KIR2DL3: variants seen among roughly 807,000 people sequenced by gnomAD.
KIR2DL3 encodes the protein killer cell immunoglobulin-like receptor 2DL3.
A neutral mutation model predicts 33.8 loss-of-function variants in KIR2DL3; 39 were observed. That is an observed-to-expected ratio of 1.15 (90% CI 0.89 to 1.51). The LOEUF (loss-of-function observed/expected upper bound fraction) is 1.51, where lower values mean the gene tolerates loss of function less well. Among genes scored for constraint, KIR2DL3 ranks in the 40% most tolerant of loss-of-function variants. The probability of loss-of-function intolerance (pLI) is 0.00; values close to 1 mark genes in which losing one functional copy is unlikely to be tolerated. For missense variants in KIR2DL3, 462 were observed against 426.2 expected, an observed-to-expected ratio of 1.08 and a Z score of -0.74; for synonymous variants, 174 against 160.2, an observed-to-expected ratio of 1.09 and a Z score of -0.65.
intron 3 of KIR2DL3, among the ~76,000 whole-genome samples, chr19:54,742,813 G>A (rs62122549): frequency 0.032 from 3,865 of 121,210 alleles, no homozygotes; most frequent in South Asian, 0.085. Flanking sequence ...GTGAACTTGT[G>A]GTCTCCAGAC....
chr19:54,742,187 A>T lies in KIR2DL3; in HGVS notation c.278A>T (p.Asp93Val). ...ANFSIGPMMQ[D>V]LAGTYRCYGS... is the part of the protein sequence containing the mutation. ...TTCTCCATCGGTCCCATGATGCAAGACCTTGCAGGGACCTACAGATGCTAC... is the reference window on the plus strand; with the variant it reads ...TTCTCCATCGGTCCCATGATGCAAGTCCTTGCAGGGACCTACAGATGCTAC... Residue 93 changes from aspartate (D) to valine (V), a missense_variant, in exon 3 of 8, where the codon GAC (aspartate) becomes GTC (valine). By Grantham distance (152) the Asp-to-Val change is radical (BLOSUM62 -3). Coordinates refer to ENST00000342376, the MANE Select transcript of KIR2DL3 (RefSeq NM_015868.3). 1 of 1,614,082 alleles carries T rather than the reference A, an allele frequency of 6.2e-7. No homozygotes were observed. Among genetic ancestry groups the T allele is most frequent in the Non-Finnish European group, 8.5e-7 (1 of 1,179,996 alleles).
chr19:54,748,989 A>T (rs62124365), intron 5 of KIR2DL3, among the ~76,000 whole-genome samples: 24,957 of 149,470 alleles, frequency 0.17, 1,823 homozygotes, highest in Non-Finnish European at 0.24. Flanking sequence ...AGAAGGTCTC[A>T]CTATTCAGAT....
intron 2 of KIR2DL3, 100 bp from the exon 3 acceptor site, chr19:54,741,880 G>A (rs1692244799): frequency 7.6e-7 from 1 of 1,322,632 alleles, no homozygotes; most frequent in Middle Eastern, 2.7e-4. Flanking sequence ...AGAGGAAGGA[G>A]AGAGACAGAC....
In KIR2DL3 at chr19:54,738,586, C is replaced by T. The variant is rs1384660268; in HGVS notation, c.34+7C>T. On this transcript the variant is annotated splice_region_variant and intron_variant, in intron 1 of 7. Coordinates refer to ENST00000342376, the MANE Select transcript of KIR2DL3 (RefSeq NM_015868.3). ...GTCAGCATGGTGTGTGTTGGTGAGT[C>T]CTGGAAGGGCATCGAGGGAGGGAGT... is the stretch of plus-strand genomic sequence containing the variant. The T allele has an allele frequency of 3.2e-5, 51 of 1,614,070 alleles. No homozygotes were observed. Among genetic ancestry groups the T allele is most frequent in the Non-Finnish European group, 4.2e-5 (49 of 1,180,024 alleles).
In KIR2DL3 at chr19:54,751,904, C is replaced by T. The variant is rs1458583915; in HGVS notation, c.820+151C>T. ...GACTTTCTAGAGAGAGCACCAGACT[C>T]CCTGTCCCTGCCTTCAGCTCACAGA... On this transcript the variant is annotated intron_variant, in intron 6 of 7. Transcript: ENST00000342376. 2.4e-5 allele frequency: 18 copies of T among 747,202 alleles called. 3 individuals carry two copies. The highest frequency in any genetic ancestry group is 3.6e-5 in the Non-Finnish European group (17 of 474,808). 46.3% of individuals were successfully genotyped at this position (747,202 alleles called of 1,614,324 possible).
At chr19:54,744,870 T>TTTTATATA (rs1257076612) in intron 4 of KIR2DL3, among the ~76,000 whole-genome samples, 1 of 78,426 alleles carries the variant, frequency 1.3e-5, no homozygotes, top group Non-Finnish European at 2.6e-5. Context: ...ATAAATACAT[T>TTTTATATA]TATATATATA....
At chr19:54,738,696 AAGTGGAGATCTGGGCCTGG>A (rs796155146) in intron 1 of KIR2DL3, 117 bp downstream of exon 1, 301,269 of 1,336,722 alleles carry the variant, frequency 0.23, 44,675 homozygotes, top group South Asian at 0.37. Context: ...ATGGGCCTAG[AAGTGGAGATCTGGGCCTGG>A]AGTGGAGATC....
rs1160053328 is a variant in KIR2DL3 at position 54,747,208 on chromosome 19, G to A, written c.665-127G>A. 63 of 1,127,876 alleles carry A rather than the reference G, an allele frequency of 5.6e-5. 1 individual carries two copies. The East Asian group carries it at 1.5e-3, about 26-fold the overall frequency. 69.9% of individuals were successfully genotyped at this position (1,127,876 alleles called of 1,614,324 possible). On this transcript the variant is annotated intron_variant, in intron 4 of 7. Transcript: ENST00000342376. ...CACATACAAAAATTACGGAAAAAAG[G>A]ATCCCAGGACTCCCAGGGCCCAATA...
At chr19:54,747,547 C>A (rs1171426005) in intron 5 of KIR2DL3, among the ~76,000 whole-genome samples, 162 bp downstream of exon 5, 1 of 147,528 alleles carries the variant, frequency 6.8e-6, no homozygotes, top group Non-Finnish European at 1.5e-5. Context: ...CTGGGCCCAA[C>A]CTAGGGCTCA....
intron 6 of KIR2DL3, 150 bp downstream of exon 6, chr19:54,751,903 T>C: frequency 1.3e-6 from 1 of 744,564 alleles, no homozygotes. Context: ...AGCACCAGAC[T>C]CCCTGTCCCT....
At chr19:54,750,438 C>G (rs1249146291) in intron 5 of KIR2DL3, among the ~76,000 whole-genome samples, 2 of 141,330 alleles carry the variant, frequency 1.4e-5, no homozygotes, top group Non-Finnish European at 1.6e-5. Context: ...CAAAGAGTAG[C>G]ACGTTTCACA....
rs199786069 is a variant in KIR2DL3, at chr19:54,751,412, A to C, written c.716-237A>C. ...CCTCCCACAGTGGGGGTGAAATTTC[A>C]ATGTGAGGTTTGAAGGGGTCAAACA... On this transcript the variant is annotated intron_variant, in intron 5 of 7. Transcript: ENST00000342376. Among the ~76,000 whole-genome samples, 62 of 126,644 alleles carry C rather than the reference A, an allele frequency of 4.9e-4. 2 individuals carry two copies. Among genetic ancestry groups the C allele is most frequent in the East Asian group, 8.2e-4 (4 of 4,872 alleles). 83.1% of individuals were successfully genotyped at this position (126,644 alleles called of 152,430 possible).
At chr19:54,740,976 C>A (rs1406209974) in intron 2 of KIR2DL3, among the ~76,000 whole-genome samples, 1 of 151,626 alleles carries the variant, frequency 6.6e-6, no homozygotes, top group East Asian at 1.9e-4. Flanking sequence ...CTGGAAAAGT[C>A]AAGGAACTGA....
Position 54,742,230 on chromosome 19 carries a change from C to T in KIR2DL3, c.321C>T (p.Ser107=), listed in dbSNP as rs1370852789. 9 of 1,614,046 alleles carry T rather than the reference C, an allele frequency of 5.6e-6. No individual in the cohort carries two copies. The highest frequency in any genetic ancestry group is 4.0e-5 in the African/African-American group (3 of 74,900). ...GATGCTACGGTTCTGTTACTCACTC[C>T]CCCTATCAGTTGTCAGCTCCCAGTG... ...TYRCYGSVTH[S]PYQLSAPSDP... is the part of the protein sequence containing the mutation. The change falls in exon 3 of 8, where the codon TCC becomes TCT. Residue 107 remains serine, a synonymous_variant. Transcript: ENST00000342376.
At chr19:54,741,247 G>T (rs1268092078) in intron 2 of KIR2DL3, among the ~76,000 whole-genome samples, 1 of 151,494 alleles carries the variant, frequency 6.6e-6, no homozygotes, top group South Asian at 2.1e-4. Context: ...GCTGAGGGCA[G>T]GAGAATCACT....
rs1195568839 is a variant in KIR2DL3 at position 54,739,023 on chromosome 19, TGGAGTGGAGATATGGGCCA to T, written c.34+454_35-456del. Among the ~76,000 whole-genome samples, 536 of 130,424 alleles carry T rather than the reference TGGAGTGGAGATATGGGCCA, an allele frequency of 4.1e-3. 5 individuals carry two copies. Among genetic ancestry groups the T allele is most frequent in the African/African-American group, 0.015 (499 of 33,210 alleles). 85.6% of individuals were successfully genotyped at this position (130,424 alleles called of 152,430 possible). Reference sequence around the variant, plus strand: ...CGGGCCTGCAGTAGAGATATGGGCCTGGAGTGGAGATATGGGCCAGGAGTGGAGTTATGGGCCTAGAGGT... The same window carrying T: ...CGGGCCTGCAGTAGAGATATGGGCCTGGAGTGGAGTTATGGGCCTAGAGGT... On this transcript the variant is annotated intron_variant, in intron 1 of 7. Coordinates refer to ENST00000342376, the MANE Select transcript of KIR2DL3 (RefSeq NM_015868.3).
At chr19:54,740,326 C>A (rs2070786883) in intron 2 of KIR2DL3, among the ~76,000 whole-genome samples, 1 of 152,020 alleles carries the variant, frequency 6.6e-6, no homozygotes, top group African/African-American at 2.4e-5. Flanking sequence ...GCCTCTAGGA[C>A]ATGTCATTCT....
chr19:54,749,459 G>A (rs1382920489), intron 5 of KIR2DL3, among the ~76,000 whole-genome samples: 3 of 121,992 alleles, frequency 2.5e-5, no homozygotes, highest in East Asian at 2.0e-4. Flanking sequence ...GACTGGAAAC[G>A]CTTACTGGGT....
intron 3 of KIR2DL3, among the ~76,000 whole-genome samples, chr19:54,742,883 A>C (rs1315606615): frequency 6.6e-6 from 1 of 151,638 alleles, no homozygotes; most frequent in Non-Finnish European, 1.5e-5. Flanking sequence ...TGAGAGGCAC[A>C]GAGAAAAATC....
Sources: allele counts gnomAD v4.1 joint callset (sites outside exome capture counted in the v4.1 genomes callset), GRCh38; gene constraint gnomAD v4.1.1; transcripts MANE v1.5; gene names NCBI Gene and HGNC (gene_info 2026-07-23, HGNC 2026-07-21).